NELL1: variants seen among roughly 807,000 people sequenced by gnomAD.
The protein encoded by NELL1 is protein kinase C-binding protein NELL1.
Under a neutral mutation model 107.4 loss-of-function variants are expected in NELL1, and 76 were observed. The observed-to-expected ratio is 0.71, with a 90% CI of 0.59 to 0.86. The LOEUF (loss-of-function observed/expected upper bound fraction) is 0.86, where lower values mean the gene tolerates loss of function less well. Among genes scored for constraint, NELL1 ranks in the 40% least tolerant of loss-of-function variants. The pLI is 0.00. For missense variants in NELL1, 1,024 were observed against 1,005.5 expected (o/e 1.02, Z -0.25); for synonymous variants, 353 against 341.2 (o/e 1.03, Z -0.38).
chr11:20,737,498 TGA>T (rs1855789365), intron 2 of NELL1, among the ~76,000 whole-genome samples: 1 of 152,082 alleles, frequency 6.6e-6, no homozygotes, highest in Admixed American at 6.5e-5. Flanking sequence ...AATGTGACCC[TGA>T]GTCAGTTTTT....
chr11:20,910,818 T>C (rs1850114026), intron 5 of NELL1, among the ~76,000 whole-genome samples: 1 of 152,240 alleles, frequency 6.6e-6, no homozygotes, highest in Non-Finnish European at 1.5e-5. Context: ...GTACCAGTTA[T>C]GAATTTATCT....
At chr11:21,167,874 G>A (rs888962726) in intron 13 of NELL1, among the ~76,000 whole-genome samples, 5 of 151,484 alleles carry the variant, frequency 3.3e-5, no homozygotes, top group Admixed American at 3.3e-4. Context: ...CTCTTCTTTT[G>A]ACCACTTACC....
intron 2 of NELL1, among the ~76,000 whole-genome samples, chr11:20,708,188 G>T (rs1855020413): frequency 6.6e-6 from 1 of 152,256 alleles, no homozygotes. Context: ...TGCTAAGACT[G>T]TTGGAAAGCA....
At chr11:20,981,232 G>A (rs1404242054) in intron 12 of NELL1, among the ~76,000 whole-genome samples, 1 of 152,124 alleles carries the variant, frequency 6.6e-6, no homozygotes, top group Non-Finnish European at 1.5e-5. Context: ...AAAGGCATAT[G>A]TATTTTGACA....
chr11:20,939,614 G>C (rs1020931335), intron 10 of NELL1, among the ~76,000 whole-genome samples: 1 of 152,190 alleles, frequency 6.6e-6, no homozygotes. Flanking sequence ...TTTATCCTCT[G>C]TGTAAGGAGC....
chr11:21,067,309 C>A (rs1853899684), intron 12 of NELL1, among the ~76,000 whole-genome samples: 1 of 152,082 alleles, frequency 6.6e-6, no homozygotes, highest in Admixed American at 6.6e-5. Flanking sequence ...GTCAAATGTC[C>A]TAGATTCTGA....
At chr11:21,094,729 G>A (rs1854601298) in intron 12 of NELL1, among the ~76,000 whole-genome samples, 1 of 152,154 alleles carries the variant, frequency 6.6e-6, no homozygotes, top group Non-Finnish European at 1.5e-5. Context: ...TTTCATCGGT[G>A]GCTGAAGAAG....
chr11:20,885,955 A>T (rs1404030578), intron 5 of NELL1, among the ~76,000 whole-genome samples: 1 of 152,224 alleles, frequency 6.6e-6, no homozygotes, highest in African/African-American at 2.4e-5. Context: ...CTAGATATGA[A>T]AAATACATCT....
At chr11:21,569,455 T>TATG (rs147067365) in intron 17 of NELL1, among the ~76,000 whole-genome samples, 5,620 of 149,730 alleles carry the variant, frequency 0.038, 156 homozygotes, top group East Asian at 0.082. Flanking sequence ...CATGGTAGAA[T>TATG]ATGATGATGA....
At chr11:21,445,374 TGGAG>T (rs34347833) in intron 15 of NELL1, among the ~76,000 whole-genome samples, 47,830 of 151,754 alleles carry the variant, frequency 0.32, 8,982 homozygotes, top group Non-Finnish European at 0.42. Context: ...CTGCCCAGGC[TGGAG>T]TGCAATAGCG....
At chr11:21,359,464 G>GT (rs1262535207) in intron 14 of NELL1, among the ~76,000 whole-genome samples, 8 of 152,028 alleles carry the variant, frequency 5.3e-5, no homozygotes, top group African/African-American at 1.7e-4. Context: ...CTGCAGTTTT[G>GT]TTTTTTTGTT....
chr11:20,863,267 G>A (rs190257090), intron 4 of NELL1, among the ~76,000 whole-genome samples: 1,610 of 145,898 alleles, frequency 0.011, 32 homozygotes, highest in African/African-American at 0.039. Flanking sequence ...CTGGCTGGGC[G>A]GGGGCTGACC....
intron 14 of NELL1, among the ~76,000 whole-genome samples, chr11:21,344,886 A>G (rs1403547057): frequency 1.3e-5 from 2 of 152,220 alleles, no homozygotes; most frequent in East Asian, 3.8e-4. Flanking sequence ...AGGAAAAAAA[A>G]AAATGTGTCA....
At chr11:20,701,979 C>T (rs1210661040) in intron 2 of NELL1, among the ~76,000 whole-genome samples, 2 of 152,152 alleles carry the variant, frequency 1.3e-5, no homozygotes, top group Admixed American at 6.6e-5. Flanking sequence ...TCAGAATTGT[C>T]TTGGCAATGC....
chr11:21,262,443 A>G (rs898613348), intron 14 of NELL1: 1 of 151,912 alleles, frequency 6.6e-6, no homozygotes, highest in African/African-American at 2.4e-5. Context: ...CTGCTCTGAT[A>G]ACTGTCTTAT....
At chr11:21,041,148 C>T (rs954059189) in intron 12 of NELL1, among the ~76,000 whole-genome samples, 1 of 152,098 alleles carries the variant, frequency 6.6e-6, no homozygotes, top group Non-Finnish European at 1.5e-5. Flanking sequence ...GTGAAGAGAA[C>T]AATGGCACTT....
intron 11 of NELL1, among the ~76,000 whole-genome samples, chr11:20,953,048 T>A (rs975401813): frequency 6.6e-6 from 1 of 152,152 alleles, no homozygotes; most frequent in Non-Finnish European, 1.5e-5. Flanking sequence ...GGCATCCAGT[T>A]CTCATAAAAG....
At chr11:20,877,342 T>A (rs1238023037) in intron 4 of NELL1, among the ~76,000 whole-genome samples, 2 of 152,238 alleles carry the variant, frequency 1.3e-5, no homozygotes, top group Non-Finnish European at 2.9e-5. Flanking sequence ...AACAGTGGCA[T>A]AATACATGTC....
chr11:20,691,211 C>T (rs1232362709), intron 2 of NELL1, among the ~76,000 whole-genome samples: 1 of 152,070 alleles, frequency 6.6e-6, no homozygotes, highest in Admixed American at 6.6e-5. Context: ...TCTAGATATG[C>T]AATCATGTCA....
Sources: allele counts gnomAD v4.1 joint callset (sites outside exome capture counted in the v4.1 genomes callset), GRCh38; gene constraint gnomAD v4.1.1; transcripts MANE v1.5; gene names NCBI Gene and HGNC (gene_info 2026-07-23, HGNC 2026-07-21).